The following IMMP2L variants were observed in gnomAD, a reference collection of about 807,000 sequenced individuals.
IMMP2L encodes inner mitochondrial membrane peptidase subunit 2, also known as mitochondrial inner membrane protease subunit 2.
Under a neutral mutation model 19.3 loss-of-function variants are expected in IMMP2L, and 18 were observed. The observed-to-expected ratio is 0.93, with a 90% CI of 0.64 to 1.38. IMMP2L has a LOEUF of 1.38. Ranked by LOEUF, IMMP2L falls within the 40% of genes most tolerant of loss-of-function variation. IMMP2L has a pLI of 0.00. For missense variants in IMMP2L, 233 were observed against 218.2 expected, an observed-to-expected ratio of 1.07 and a Z score of -0.43; for synonymous variants, 76 against 73.0, an observed-to-expected ratio of 1.04 and a Z score of -0.21.
At chr7:110,925,785 C>T (rs1381735096) in intron 4 of IMMP2L, among the ~76,000 whole-genome samples, 2 of 152,054 alleles carry the variant, frequency 1.3e-5, no homozygotes, top group South Asian at 2.1e-4. Flanking sequence ...ATGAATGATC[C>T]TGTTCTCAAT....
chr7:111,059,912 T>C (rs1199021110), intron 3 of IMMP2L, among the ~76,000 whole-genome samples: 1 of 137,886 alleles, frequency 7.3e-6, no homozygotes, highest in Admixed American at 7.6e-5. Flanking sequence ...AAAAATTATA[T>C]GCCTAATTGT....
At chr7:110,933,690 T>C (rs892255556) in intron 4 of IMMP2L, among the ~76,000 whole-genome samples, 6 of 152,180 alleles carry the variant, frequency 3.9e-5, no homozygotes, top group African/African-American at 7.2e-5. Context: ...TCTTAATCCA[T>C]GGATAATGCC....
At chr7:110,842,876 T>C (rs1238869267) in intron 5 of IMMP2L, among the ~76,000 whole-genome samples, 2 of 152,134 alleles carry the variant, frequency 1.3e-5, no homozygotes, top group African/African-American at 2.4e-5. Flanking sequence ...TGGAAGAAAT[T>C]CATTAGAGAA....
chr7:110,851,353 T>A (rs1238414430), intron 5 of IMMP2L, among the ~76,000 whole-genome samples: 1 of 152,148 alleles, frequency 6.6e-6, no homozygotes, highest in Admixed American at 6.6e-5. Flanking sequence ...AATGTAGACG[T>A]TGTACCATTC....
chr7:111,000,894 T>C (rs1329364299), intron 3 of IMMP2L, among the ~76,000 whole-genome samples: 1 of 148,354 alleles, frequency 6.7e-6, no homozygotes, highest in African/African-American at 2.5e-5. Context: ...AGGCCGAAAA[T>C]ATGGAAATTC....
At chr7:110,726,849 CTG>C (rs1324247750) in intron 5 of IMMP2L, among the ~76,000 whole-genome samples, 3 of 152,124 alleles carry the variant, frequency 2.0e-5, no homozygotes, top group African/African-American at 7.2e-5. Flanking sequence ...CCAAATTACT[CTG>C]GGGTTCATAA....
intron 2 of IMMP2L, among the ~76,000 whole-genome samples, chr7:111,512,909 A>G (rs971226637): frequency 6.6e-6 from 1 of 152,158 alleles, no homozygotes; most frequent in Non-Finnish European, 1.5e-5. Flanking sequence ...ATGAAGAAGA[A>G]TAAAATCAGA....
chr7:111,561,344 T>A (rs1792022740), intron 1 of IMMP2L, among the ~76,000 whole-genome samples: 1 of 152,188 alleles, frequency 6.6e-6, no homozygotes, highest in Non-Finnish European at 1.5e-5. Context: ...GCTTGAGAGA[T>A]CCCAAAGAAC....
chr7:110,880,874 C>G (rs1809569182), intron 5 of IMMP2L, among the ~76,000 whole-genome samples: 1 of 152,090 alleles, frequency 6.6e-6, no homozygotes, highest in Admixed American at 6.6e-5. Context: ...AATGACAATT[C>G]TGCTGACATT....
chr7:111,392,112 C>T (rs764794679), intron 3 of IMMP2L: 7 of 634,798 alleles, frequency 1.1e-5, no homozygotes, highest in East Asian at 5.5e-5. Flanking sequence ...TGGCTATTAG[C>T]GACCCAAGGA....
chr7:111,053,293 C>G (rs1211465934), intron 3 of IMMP2L, among the ~76,000 whole-genome samples: 1 of 152,172 alleles, frequency 6.6e-6, no homozygotes, highest in African/African-American at 2.4e-5. Flanking sequence ...GGTGGGCTGT[C>G]CACATGTGCA....
chr7:111,234,371 C>T (rs2129625765), intron 3 of IMMP2L, among the ~76,000 whole-genome samples: 1 of 152,136 alleles, frequency 6.6e-6, no homozygotes, highest in East Asian at 1.9e-4. Flanking sequence ...CTACTCTGTC[C>T]ATCAATTACT....
intron 2 of IMMP2L, among the ~76,000 whole-genome samples, chr7:111,498,069 T>A (rs1843762608): frequency 6.6e-6 from 1 of 152,036 alleles, no homozygotes; most frequent in Non-Finnish European, 1.5e-5. Context: ...CTGATTTTTA[T>A]ATCCTCTTAT....
chr7:110,842,469 G>C (rs980521819), intron 5 of IMMP2L, among the ~76,000 whole-genome samples: 5 of 152,140 alleles, frequency 3.3e-5, no homozygotes, highest in African/African-American at 1.2e-4. Context: ...GAAGGCCTGG[G>C]GCTGGCAAGT....
chr7:110,751,493 A>G (rs1299546689), intron 5 of IMMP2L, among the ~76,000 whole-genome samples: 2 of 152,022 alleles, frequency 1.3e-5, no homozygotes, highest in Non-Finnish European at 2.9e-5. Flanking sequence ...CATTCATAAA[A>G]AACAAAAACA....
intron 3 of IMMP2L, among the ~76,000 whole-genome samples, chr7:111,342,120 A>G (rs1255848699): frequency 6.6e-6 from 1 of 152,166 alleles, no homozygotes; most frequent in Non-Finnish European, 1.5e-5. Context: ...TTAAAAGACA[A>G]TATTAAAAGA....
At chr7:111,314,249 A>C (rs560149078) in intron 3 of IMMP2L, among the ~76,000 whole-genome samples, 5 of 152,144 alleles carry the variant, frequency 3.3e-5, no homozygotes, top group South Asian at 2.1e-4. Context: ...GAATACAAGA[A>C]AAAATAATAT....
At chr7:111,444,190 T>C (rs186696552) in intron 3 of IMMP2L, among the ~76,000 whole-genome samples, 1 of 152,298 alleles carries the variant, frequency 6.6e-6, no homozygotes, top group East Asian at 1.9e-4. Context: ...GTCCTTTTTC[T>C]GAGGGTTTAA....
At chr7:111,387,584 GGCTA>G (rs1302600471) in intron 3 of IMMP2L, among the ~76,000 whole-genome samples, 2 of 152,082 alleles carry the variant, frequency 1.3e-5, no homozygotes, top group Non-Finnish European at 2.9e-5. Context: ...CATCAAAAAT[GGCTA>G]GCATGTATGC....
Sources: allele counts gnomAD v4.1 joint callset (sites outside exome capture counted in the v4.1 genomes callset), GRCh38; gene constraint gnomAD v4.1.1; transcripts MANE v1.5; gene names NCBI Gene and HGNC (gene_info 2026-07-23, HGNC 2026-07-21).